Variants in DUOX1 observed in about 807,000 individuals in gnomAD.
The protein encoded by DUOX1 is NADPH thyroid oxidase 1.
In DUOX1, 134 loss-of-function variants were observed where a neutral mutation model predicts 181.8. The observed-to-expected ratio is 0.74, with a 90% CI of 0.64 to 0.85. The LOEUF (loss-of-function observed/expected upper bound fraction) is 0.85, where lower values mean the gene tolerates loss of function less well. DUOX1 is among the 40% of genes least tolerant of loss of function. DUOX1 has a pLI of 0.00. For synonymous variants in DUOX1, 798 were observed against 832.5 expected (o/e 0.96, Z 0.71); for missense variants, 1,814 against 2,064.4 (o/e 0.88, Z 2.35).
chr15:45,130,957 T>A (rs1421703371), intron 1 of DUOX1, among the ~76,000 whole-genome samples: 1 of 152,238 alleles, frequency 6.6e-6, no homozygotes. Flanking sequence ...ACAGACTCTG[T>A]GAAATGCAGC....
At position 45,145,205 on chromosome 15, in the gene DUOX1, T is replaced by C. The variant is rs16939693; in HGVS notation, c.2322+125T>C. ...CAGCTAATAATCAAGTCTATTGCAA[T>C]TTTGGATGAATCACCAGACTTTATC... On this transcript the variant is annotated intron_variant, in intron 18 of 33. Coordinates refer to ENST00000389037, the MANE Select transcript of DUOX1 (RefSeq NM_175940.3). 1.8e-5 allele frequency: 17 copies of C among 932,460 alleles called. No individual in the cohort carries two copies. In the East Asian group the frequency reaches 4.7e-4, roughly 26 times the overall value. 57.8% of individuals were successfully genotyped at this position (932,460 alleles called of 1,614,324 possible).
At chr15:45,143,756 G>T (rs956354052) in intron 16 of DUOX1, among the ~76,000 whole-genome samples, 1 of 152,158 alleles carries the variant, frequency 6.6e-6, no homozygotes, top group Non-Finnish European at 1.5e-5. Flanking sequence ...AATAATAATA[G>T]CACCTACCTC....
intron 9 of DUOX1, among the ~76,000 whole-genome samples, chr15:45,137,040 T>C (rs938934419): frequency 1.3e-5 from 2 of 151,788 alleles, no homozygotes; most frequent in African/African-American, 4.8e-5. Context: ...TTCAAAATAA[T>C]GAAAAGGGAA....
At chr15:45,153,029 T>C in intron 25 of DUOX1, 1 of 300,762 alleles carries the variant, frequency 3.3e-6, no homozygotes. Flanking sequence ...GAGACCAGCC[T>C]GGCCAACATG....
At chr15:45,142,812 A>AAG (rs1555421817) in intron 15 of DUOX1, among the ~76,000 whole-genome samples, 1 of 91,116 alleles carries the variant, frequency 1.1e-5, no homozygotes, top group Non-Finnish European at 2.2e-5. Flanking sequence ...AGGGAGGAAG[A>AAG]GCAGGCTGGG....
At chr15:45,159,397 TGC>T (rs1897043225) in intron 28 of DUOX1, among the ~76,000 whole-genome samples, 1 of 152,224 alleles carries the variant, frequency 6.6e-6, no homozygotes, top group Non-Finnish European at 1.5e-5. Flanking sequence ...AGAGCATTGT[TGC>T]AGAAGTGGCG....
At chr15:45,154,595 G>T (rs943233309) in intron 27 of DUOX1, among the ~76,000 whole-genome samples, 3 of 139,910 alleles carry the variant, frequency 2.1e-5, no homozygotes, top group African/African-American at 2.6e-5. Context: ...ACACAGCATG[G>T]TTTTTTTTTT....
Position 45,152,522 on chromosome 15 carries a change from G to T in DUOX1, c.3424+6G>T. ...CACCGCCATCGTCCTCACAGGCAGGGCCTGGGTGTCCCTGGGAGGCTCTCC... is the reference window on the plus strand; with the variant it reads ...CACCGCCATCGTCCTCACAGGCAGGTCCTGGGTGTCCCTGGGAGGCTCTCC... On this transcript the variant is annotated splice_donor_region_variant and intron_variant, in intron 25 of 33. Transcript: ENST00000389037. 6.2e-7 allele frequency: 1 copy of T among 1,613,458 alleles called. No homozygotes were observed. The highest frequency in any genetic ancestry group is 8.5e-7 in the Non-Finnish European group (1 of 1,179,764).
Position 45,152,291 on chromosome 15 carries a change from G to A in DUOX1, c.3199G>A (p.Ala1067Thr). The A allele has an allele frequency of 6.2e-7, 1 of 1,613,578 alleles. No homozygotes were observed. The highest frequency in any genetic ancestry group is 8.5e-7 in the Non-Finnish European group (1 of 1,179,778). ...TGCCTGGGCCCCCTCCACAGACTACGCCTTTGCCGCACATCACACGGGCAT... is the reference window on the plus strand; with the variant it reads ...TGCCTGGGCCCCCTCCACAGACTACACCTTTGCCGCACATCACACGGGCAT... ...GLFLERAYYY[A>T]FAAHHTGITD... The change falls in exon 25 of 34, where the codon GCC becomes ACC. Residue 1067 changes from alanine to threonine, a missense_variant. Ala to Thr is a moderately conservative substitution (Grantham distance 58, BLOSUM62 0). Coordinates refer to ENST00000389037, the MANE Select transcript of DUOX1 (RefSeq NM_175940.3).
Position 45,143,272 on chromosome 15 carries a change from C to G in DUOX1, c.1905C>G (p.Ile635Met). The G allele has an allele frequency of 6.2e-7, 1 of 1,614,084 alleles. No homozygotes were observed. The highest frequency in any genetic ancestry group is 8.5e-7 in the Non-Finnish European group (1 of 1,180,004). The change falls in exon 16 of 34, where the codon ATC becomes ATG. Residue 635 changes from isoleucine (I) to methionine (M), a missense_variant. Coordinates refer to ENST00000389037, the MANE Select transcript of DUOX1 (RefSeq NM_175940.3). ...KRLQGQDRQS[I>M]VSEKLVGGME... ...TCCAGGGCCAGGACCGCCAGAGCAT[C>G]GTGTCTGAGAAGCTCGTGGGAGGCA...
chr15:45,141,107 C>A, intron 13 of DUOX1, 37 bp downstream of exon 13: 1 of 1,612,332 alleles, frequency 6.2e-7, no homozygotes, highest in Non-Finnish European at 8.5e-7. Flanking sequence ...GGCTCTACCT[C>A]GGCCTGGGCC....
intron 28 of DUOX1, among the ~76,000 whole-genome samples, chr15:45,157,349 G>T (rs753269945): frequency 2.0e-5 from 3 of 152,150 alleles, no homozygotes; most frequent in Admixed American, 6.5e-5. Context: ...GCTTCTGTTG[G>T]GGGTGGAAAT....
At chr15:45,131,829 C>T (rs1479248020) in intron 1 of DUOX1, 89 bp from the exon 2 acceptor site, 2 of 926,392 alleles carry the variant, frequency 2.2e-6, no homozygotes, top group Non-Finnish European at 3.4e-6. Context: ...CTTGGCCCAG[C>T]CCCAGGCCTT....
intron 29 of DUOX1, among the ~76,000 whole-genome samples, chr15:45,161,478 A>AAGG (rs1897102043): frequency 6.7e-6 from 1 of 148,326 alleles, no homozygotes; most frequent in African/African-American, 2.5e-5. Flanking sequence ...GGAAGGAAGG[A>AAGG]AAGGAAAGGA....
At chr15:45,148,624 C>T (rs1229893400) in intron 21 of DUOX1, 177 bp downstream of exon 21, 2 of 449,520 alleles carry the variant, frequency 4.4e-6, no homozygotes, top group Admixed American at 8.9e-5. Flanking sequence ...TTTATATCAA[C>T]ATAATTATAC....
intron 33 of DUOX1, 57 bp from the exon 34 acceptor site, chr15:45,164,722 T>C (rs979173237): frequency 1.9e-6 from 3 of 1,609,234 alleles, no homozygotes; most frequent in Non-Finnish European, 2.6e-6. Context: ...CTCTGAACAC[T>C]GCGTTATCCC....
intron 10 of DUOX1, among the ~76,000 whole-genome samples, chr15:45,138,328 T>G (rs547739696): frequency 1.3e-5 from 2 of 152,092 alleles, no homozygotes; most frequent in East Asian, 3.9e-4. Flanking sequence ...CCCTCTCACG[T>G]TTTCCCTCTC....
chr15:45,152,314 C>A lies in DUOX1; in HGVS notation c.3222C>A (p.Gly1074=). The stretch of plus-strand genomic sequence containing the variant: ...ACGCCTTTGCCGCACATCACACGGG[C>A]ATCACAGACACCACCCGCGTGGGAA... The part of the protein sequence containing the change: ...YYYAFAAHHT[G]ITDTTRVGII... Residue 1074 remains glycine, a synonymous_variant, in exon 25 of 34, where the codon GGC becomes GGA. Coordinates refer to ENST00000389037, the MANE Select transcript of DUOX1 (RefSeq NM_175940.3). The A allele has an allele frequency of 6.2e-7, 1 of 1,614,114 alleles. No individual in the cohort carries two copies. Among genetic ancestry groups the A allele is most frequent in the Non-Finnish European group, 8.5e-7 (1 of 1,179,982 alleles).
chr15:45,133,789 C>G (rs1896212389), intron 2 of DUOX1, 75 bp from the exon 3 acceptor site: 1 of 1,289,598 alleles, frequency 7.8e-7, no homozygotes, highest in East Asian at 2.3e-5. Flanking sequence ...GCTCACAGCA[C>G]CCATATCCGG....
Sources: allele counts gnomAD v4.1 joint callset (sites outside exome capture counted in the v4.1 genomes callset), GRCh38; gene constraint gnomAD v4.1.1; transcripts MANE v1.5; gene names NCBI Gene and HGNC (gene_info 2026-07-23, HGNC 2026-07-21).